Variants in FMNL2 observed in about 807,000 individuals in gnomAD.
FMNL2 encodes formin-like protein 2.
In FMNL2, 51 loss-of-function variants were observed where a neutral mutation model predicts 130.2. The ratio of observed to expected loss-of-function variants is 0.39; its 90% confidence interval spans 0.31 to 0.49. FMNL2 has a LOEUF of 0.49. Among genes scored for constraint, FMNL2 ranks in the 20% least tolerant of loss-of-function variants. The pLI is 0.85. For synonymous variants in FMNL2, 465 were observed against 467.1 expected, an observed-to-expected ratio of 1.00 and a Z score of 0.06; for missense variants, 977 against 1,316.2, an observed-to-expected ratio of 0.74 and a Z score of 3.99.
chr2:152,604,978 C>A lies in FMNL2; in HGVS notation c.877-2361C>A, dbSNP rs1213036617. Among the ~76,000 whole-genome samples the A allele has an allele frequency of 4.8e-5, 7 of 144,640 alleles. No homozygotes were observed. In the East Asian group the frequency reaches 1.7e-3, roughly 35 times the overall value. The allele number at this position is 144,640 out of a possible 152,430, so 94.9% of individuals were successfully genotyped here. On this transcript the variant is annotated intron_variant, in intron 9 of 25. Transcript: ENST00000288670. ...ACCTCAGGGTTTTTTACCCACAGAT[C>A]CCTTTTTGCAGGCAAGAGATGCTTG...
intron 18 of FMNL2, among the ~76,000 whole-genome samples, chr2:152,628,922 T>C (rs1164180806): frequency 6.6e-6 from 1 of 152,212 alleles, no homozygotes; most frequent in African/African-American, 2.4e-5. Flanking sequence ...TGTTGCCTCA[T>C]CTTTAGTGAG....
At position 152,340,941 on chromosome 2, in the gene FMNL2, C is replaced by T. The variant is rs186525998; in HGVS notation, c.117+5221C>T. ...TCCTGACCTCGTGATCCACCTGCCTCAGCCTCCCAGAGTGCTGGGATTACA... is the reference window on the plus strand; with the variant it reads ...TCCTGACCTCGTGATCCACCTGCCTTAGCCTCCCAGAGTGCTGGGATTACA... On this transcript the variant is annotated intron_variant, in intron 1 of 25. Coordinates refer to ENST00000288670, the MANE Select transcript of FMNL2 (RefSeq NM_052905.4). Among the ~76,000 whole-genome samples the T allele has an allele frequency of 1.4e-3, 215 of 152,330 alleles. 1 individual carries two copies. The highest frequency in any genetic ancestry group is 3.4e-3 in the Middle Eastern group (1 of 294).
intron 9 of FMNL2, among the ~76,000 whole-genome samples, chr2:152,601,832 A>G (rs1368738409): frequency 9.9e-5 from 15 of 151,060 alleles, no homozygotes; most frequent in Admixed American, 9.2e-4. Context: ...ACCATGCCCA[A>G]TTAATTTTTG....
chr2:152,345,573 A>G (rs962553939), intron 1 of FMNL2, among the ~76,000 whole-genome samples: 7 of 152,242 alleles, frequency 4.6e-5, no homozygotes, highest in African/African-American at 1.7e-4. Flanking sequence ...TGGCCCTTTC[A>G]TTCCCTGATA....
At chr2:152,613,358 A>C (rs915341027) in intron 11 of FMNL2, among the ~76,000 whole-genome samples, 2 of 152,212 alleles carry the variant, frequency 1.3e-5, no homozygotes, top group African/African-American at 4.8e-5. Context: ...GCTGTAGAAT[A>C]TAACGGCAGG....
intron 1 of FMNL2, among the ~76,000 whole-genome samples, chr2:152,455,071 A>G (rs1688875908): frequency 6.6e-6 from 1 of 152,158 alleles, no homozygotes; most frequent in Non-Finnish European, 1.5e-5. Context: ...GGGATGTTCA[A>G]AGCTGGCCTC....
intron 9 of FMNL2, among the ~76,000 whole-genome samples, chr2:152,588,701 A>G (rs914002655): frequency 1.2e-4 from 19 of 152,222 alleles, no homozygotes; most frequent in African/African-American, 4.6e-4. Context: ...CCGAATCTCC[A>G]GTTTTAAAGA....
At chr2:152,558,386 T>C (rs1397870888) in intron 4 of FMNL2, among the ~76,000 whole-genome samples, 1 of 152,242 alleles carries the variant, frequency 6.6e-6, no homozygotes, top group Non-Finnish European at 1.5e-5. Context: ...ATAGTCTTGC[T>C]TCCTTCCACA....
chr2:152,385,146 A>G (rs1684707923), intron 1 of FMNL2, among the ~76,000 whole-genome samples: 1 of 152,228 alleles, frequency 6.6e-6, no homozygotes, highest in Non-Finnish European at 1.5e-5. Flanking sequence ...CCTATTTGTT[A>G]AAAGAGTTAA....
intron 2 of FMNL2, among the ~76,000 whole-genome samples, chr2:152,534,477 A>G (rs933719624): frequency 3.9e-5 from 6 of 152,168 alleles, no homozygotes; most frequent in African/African-American, 1.4e-4. Flanking sequence ...GGAGCTTGTA[A>G]TTTAAAAAAA....
chr2:152,578,768 A>T, intron 7 of FMNL2, 120 bp from the exon 8 acceptor site: 1 of 686,798 alleles, frequency 1.5e-6, no homozygotes, highest in South Asian at 1.9e-5. Context: ...AAGTGCATTT[A>T]TAATGGTGTA....
chr2:152,410,761 G>T (rs942603182), intron 1 of FMNL2, among the ~76,000 whole-genome samples: 1 of 152,074 alleles, frequency 6.6e-6, no homozygotes, highest in African/African-American at 2.4e-5. Flanking sequence ...TATTCTTCTG[G>T]GTAAAAAAGT....
intron 9 of FMNL2, among the ~76,000 whole-genome samples, chr2:152,583,974 A>G (rs1312235739): frequency 2.0e-5 from 3 of 152,214 alleles, no homozygotes; most frequent in African/African-American, 7.2e-5. Context: ...TAGTTGTTAT[A>G]GATAGGTCAG....
intron 18 of FMNL2, 84 bp downstream of exon 18, chr2:152,628,617 C>T: frequency 8.4e-7 from 1 of 1,195,650 alleles, no homozygotes; most frequent in Admixed American, 1.8e-5. Flanking sequence ...GAATCGTACT[C>T]AGTGTGATGG....
At chr2:152,466,618 G>A (rs1689555560) in intron 1 of FMNL2, among the ~76,000 whole-genome samples, 1 of 152,180 alleles carries the variant, frequency 6.6e-6, no homozygotes, top group South Asian at 2.1e-4. Flanking sequence ...AACAAAAATG[G>A]CAAAAGACCA....
chr2:152,378,200 G>C (rs546590438), intron 1 of FMNL2, among the ~76,000 whole-genome samples: 1 of 151,566 alleles, frequency 6.6e-6, no homozygotes, highest in African/African-American at 2.4e-5. Context: ...CCTCTACCAA[G>C]TCATAGGGAC....
chr2:152,428,106 T>C (rs545902065), intron 1 of FMNL2, among the ~76,000 whole-genome samples: 1 of 152,364 alleles, frequency 6.6e-6, no homozygotes, highest in South Asian at 2.1e-4. Context: ...ACCAGTGGTG[T>C]ATGAGAGTAC....
At chr2:152,610,240 C>T (rs1698604688) in intron 10 of FMNL2, among the ~76,000 whole-genome samples, 1 of 152,172 alleles carries the variant, frequency 6.6e-6, no homozygotes, top group African/African-American at 2.4e-5. Flanking sequence ...ATAATTTTCA[C>T]ATTTTGTACA....
intron 7 of FMNL2, among the ~76,000 whole-genome samples, chr2:152,577,015 A>G (rs984072014): frequency 6.6e-6 from 1 of 152,218 alleles, no homozygotes; most frequent in African/African-American, 2.4e-5. Context: ...TGACACTTGC[A>G]TTTAACATGA....
Sources: allele counts gnomAD v4.1 joint callset (sites outside exome capture counted in the v4.1 genomes callset), GRCh38; gene constraint gnomAD v4.1.1; transcripts MANE v1.5; gene names NCBI Gene and HGNC (gene_info 2026-07-23, HGNC 2026-07-21).